VTCN1: variants seen among roughly 807,000 people sequenced by gnomAD.
VTCN1 encodes V-set domain containing T cell activation inhibitor 1.
In VTCN1, 26 loss-of-function variants were observed where a neutral mutation model predicts 26.5. The ratio of observed to expected loss-of-function variants is 0.98; its 90% CI spans 0.72 to 1.36. The LOEUF (loss-of-function observed/expected upper bound fraction) is 1.36, where lower values mean the gene tolerates loss of function less well. Ranked by LOEUF, VTCN1 falls within the 40% of genes most tolerant of loss-of-function variation. VTCN1 has a pLI of 0.00. For synonymous variants in VTCN1, 116 were observed against 130.7 expected (o/e 0.89, Z 0.77); for missense variants, 298 against 337.7 (o/e 0.88, Z 0.92).
chr1:117,185,193 C>T (rs1647874455), intron 1 of VTCN1, among the ~76,000 whole-genome samples: 3 of 152,142 alleles, frequency 2.0e-5, no homozygotes, highest in Admixed American at 2.0e-4. Flanking sequence ...TACAACAGTT[C>T]CAAGTGGTCA....
At chr1:117,150,562 G>A (rs1449967642) in intron 4 of VTCN1, among the ~76,000 whole-genome samples, 1 of 152,142 alleles carries the variant, frequency 6.6e-6, no homozygotes, top group African/African-American at 2.4e-5. Context: ...TGTTCCTCAA[G>A]ATGGTGCAAG....
rs1212216276 is a variant in VTCN1 at position 117,169,096 on chromosome 1, A to G, written c.97+1011T>C. Among the ~76,000 whole-genome samples, 1 of 152,254 alleles carries G rather than the reference A, an allele frequency of 6.6e-6. No individual in the cohort carries two copies. Among genetic ancestry groups the G allele is most frequent in the East Asian group, 1.9e-4 (1 of 5,206 alleles). The stretch of plus-strand genomic sequence containing the variant: ...AGCTTTGGTCACAGACTGAGTTAAA[A>G]TGAATGTGTTGGACTGAGTCAGGTG... On this transcript the variant is annotated intron_variant, in intron 2 of 5. Transcript: ENST00000369458. This position sits in a 1 kb window ranked among gnomAD's most constrained non-coding sequence, Gnocchi z 4.0.
At chr1:117,207,898 ATCTATGCCAGG>A (rs1487673507) in intron 1 of VTCN1, among the ~76,000 whole-genome samples, 1 of 152,060 alleles carries the variant, frequency 6.6e-6, no homozygotes, top group Non-Finnish European at 1.5e-5. Flanking sequence ...TCTCACTCTC[ATCTATGCCAGG>A]TCCCTGTCAT....
intron 1 of VTCN1, among the ~76,000 whole-genome samples, chr1:117,185,828 C>A (rs887404779): frequency 1.3e-5 from 2 of 152,142 alleles, no homozygotes; most frequent in African/African-American, 4.8e-5. Flanking sequence ...TTGAAGCCCC[C>A]CAACCCCCAC....
chr1:117,205,460 G>A (rs1350892242), intron 1 of VTCN1, among the ~76,000 whole-genome samples: 1 of 152,044 alleles, frequency 6.6e-6, no homozygotes, highest in Non-Finnish European at 1.5e-5. Flanking sequence ...ACCATGCCTG[G>A]CCAGCATATA....
intron 2 of VTCN1, among the ~76,000 whole-genome samples, chr1:117,157,307 A>G (rs1216850456): frequency 1.3e-5 from 2 of 151,916 alleles, no homozygotes; most frequent in African/African-American, 2.4e-5. Context: ...CTTACCTACT[A>G]TATTAGTCCA....
At chr1:117,152,523 TC>T (rs1223968840) in intron 4 of VTCN1, among the ~76,000 whole-genome samples, 1 of 152,148 alleles carries the variant, frequency 6.6e-6, no homozygotes, top group Non-Finnish European at 1.5e-5. Flanking sequence ...CTCAGCCAGC[TC>T]TCAGCTAGGG....
chr1:117,203,366 G>C (rs1481922100), intron 1 of VTCN1, among the ~76,000 whole-genome samples: 1 of 152,132 alleles, frequency 6.6e-6, no homozygotes, highest in Non-Finnish European at 1.5e-5. Context: ...AGCTACAAGA[G>C]ACAATTCCTA....
intron 1 of VTCN1, among the ~76,000 whole-genome samples, chr1:117,182,149 A>G (rs1291863997): frequency 6.6e-6 from 1 of 152,174 alleles, no homozygotes; most frequent in Non-Finnish European, 1.5e-5. Context: ...ACGAAAGCCC[A>G]TACACCTGTC....
chr1:117,189,041 C>T (rs1311087753), intron 1 of VTCN1, among the ~76,000 whole-genome samples: 4 of 152,070 alleles, frequency 2.6e-5, no homozygotes, highest in Non-Finnish European at 4.4e-5. Flanking sequence ...ATCAGCCTGG[C>T]GGAAAAGTTT....
chr1:117,203,565 G>A, intron 1 of VTCN1: 1 of 971,418 alleles, frequency 1.0e-6, no homozygotes, highest in Non-Finnish European at 1.2e-6. Context: ...CAGGCAGATG[G>A]TTTGGGATTG....
At chr1:117,209,241 T>G (rs143752372) in intron 1 of VTCN1, among the ~76,000 whole-genome samples, 1 of 152,322 alleles carries the variant, frequency 6.6e-6, no homozygotes, top group East Asian at 1.9e-4. Flanking sequence ...CACCTCCTGC[T>G]AATCCTCCAG....
chr1:117,189,630 T>C (rs1648139209), intron 1 of VTCN1, among the ~76,000 whole-genome samples: 1 of 152,180 alleles, frequency 6.6e-6, no homozygotes, highest in South Asian at 2.1e-4. Flanking sequence ...TATTTCTTTG[T>C]TTTTGTTCCT....
At chr1:117,176,503 T>G (rs540969190) in intron 1 of VTCN1, among the ~76,000 whole-genome samples, 1 of 152,252 alleles carries the variant, frequency 6.6e-6, no homozygotes, top group African/African-American at 2.4e-5. Flanking sequence ...GCTTTTTGTT[T>G]TATTCAAACA....
At chr1:117,151,247 T>C (rs1651775607) in intron 4 of VTCN1, among the ~76,000 whole-genome samples, 1 of 151,316 alleles carries the variant, frequency 6.6e-6, no homozygotes, top group Admixed American at 6.6e-5. Context: ...AGATGGTGTG[T>C]CCGGAGTTTG....
At chr1:117,206,749 G>A (rs1415777572) in intron 1 of VTCN1, among the ~76,000 whole-genome samples, 6 of 152,172 alleles carry the variant, frequency 3.9e-5, no homozygotes, top group Non-Finnish European at 5.9e-5. Context: ...AGTGGAGGTG[G>A]CATTTGAGCT....
rs1290341547 is a variant in VTCN1, at chr1:117,159,400, A to T, written c.98-2479T>A. ...AGCAGAAACCCCTGATAAAACCATAAGATCTTGTGAGACTTATTTACTACC... is the reference window on the plus strand; with the variant it reads ...AGCAGAAACCCCTGATAAAACCATATGATCTTGTGAGACTTATTTACTACC... On this transcript the variant is annotated intron_variant, in intron 2 of 5. Transcript: ENST00000369458. The surrounding 1 kb of genome is among the most constrained non-coding windows in gnomAD (Gnocchi z 4.7). 1.3e-5 allele frequency among the ~76,000 whole-genome samples: 2 copies of T among 152,232 alleles called. No homozygotes were observed. Among genetic ancestry groups the T allele is most frequent in the Non-Finnish European group, 2.9e-5 (2 of 68,052 alleles).
intron 3 of VTCN1, among the ~76,000 whole-genome samples, chr1:117,156,338 C>T (rs1176703212): frequency 1.3e-5 from 2 of 152,162 alleles, no homozygotes; most frequent in South Asian, 2.1e-4. Flanking sequence ...AGAGAACACA[C>T]CTGGAAATTC....
At position 117,185,501 on chromosome 1, in the gene VTCN1, T is replaced by C. The variant is rs186569773; in HGVS notation, c.33-15330A>G. On this transcript the variant is annotated intron_variant, in intron 1 of 5. Transcript: ENST00000369458. ...AACCACCTGAATGGACCCCTCCTCT[T>C]GGCCAAGGGCATTCCAAAGTTAATC... 2.4e-3 allele frequency among the ~76,000 whole-genome samples: 363 copies of C among 152,266 alleles called. 1 individual carries two copies. The highest frequency in any genetic ancestry group is 4.2e-3 in the Non-Finnish European group (289 of 68,026).
Sources: allele counts gnomAD v4.1 joint callset (sites outside exome capture counted in the v4.1 genomes callset), GRCh38; gene constraint gnomAD v4.1.1; non-coding constraint Gnocchi (gnomAD v3.1); transcripts MANE v1.5; gene names NCBI Gene and HGNC (gene_info 2026-07-23, HGNC 2026-07-21).